Variants in ALK observed in about 807,000 individuals in gnomAD.
The protein encoded by ALK is ALK receptor tyrosine kinase, also known as ALK tyrosine kinase receptor.
Under a neutral mutation model 163.1 loss-of-function variants are expected in ALK, and 74 were observed. The observed-to-expected ratio is 0.45, with a 90% confidence interval of 0.38 to 0.55. The LOEUF (loss-of-function observed/expected upper bound fraction) is 0.55. Ranked by LOEUF, ALK falls within the 20% of genes least tolerant of loss-of-function variation. The pLI, the probability that ALK is intolerant of heterozygous loss-of-function variation, is 0.00. For synonymous variants in ALK, 960 were observed against 843.2 expected, an observed-to-expected ratio of 1.14 and a Z score of -2.40; for missense variants, 2,063 against 2,105.3, an observed-to-expected ratio of 0.98 and a Z score of 0.39.
chr2:29,356,895 T>A (rs1447811617), intron 5 of ALK, among the ~76,000 whole-genome samples: 1 of 151,578 alleles, frequency 6.6e-6, no homozygotes, highest in East Asian at 1.9e-4. Flanking sequence ...GGGCATGAGC[T>A]AAACCCTCAG....
intron 5 of ALK, among the ~76,000 whole-genome samples, chr2:29,357,899 C>T (rs1573277003): frequency 1.3e-5 from 2 of 152,366 alleles, no homozygotes; most frequent in South Asian, 2.1e-4. Context: ...TAATATCTCA[C>T]TGGCTTGGCC....
intron 3 of ALK, among the ~76,000 whole-genome samples, chr2:29,661,213 C>G (rs1021933030): frequency 3.3e-5 from 5 of 152,154 alleles, no homozygotes; most frequent in African/African-American, 1.2e-4. Context: ...AGAAATTAAG[C>G]ATCTCAATGG....
At chr2:29,213,601 G>T (rs1183140102) in intron 24 of ALK, among the ~76,000 whole-genome samples, 1 of 152,176 alleles carries the variant, frequency 6.6e-6, no homozygotes, top group African/African-American at 2.4e-5. Context: ...TAACTTATAG[G>T]TCTCCAGCCC....
intron 4 of ALK, among the ~76,000 whole-genome samples, chr2:29,455,031 T>C (rs982556901): frequency 2.6e-5 from 4 of 152,286 alleles, no homozygotes; most frequent in Admixed American, 2.6e-4. Flanking sequence ...AATCTAGCTC[T>C]CTCTCATTCC....
At chr2:29,371,346 C>A (rs545743082) in intron 5 of ALK, among the ~76,000 whole-genome samples, 53 of 152,374 alleles carry the variant, frequency 3.5e-4, no homozygotes, top group African/African-American at 1.2e-3. Flanking sequence ...CTAGGCTATG[C>A]CCCTCGGCTA....
chr2:29,308,747 A>G (rs912586742), intron 8 of ALK, among the ~76,000 whole-genome samples: 3 of 152,192 alleles, frequency 2.0e-5, no homozygotes, highest in Non-Finnish European at 2.9e-5. Flanking sequence ...ATTATATGAG[A>G]CCAGTGCCCA....
chr2:29,771,756 G>A (rs529999054), intron 1 of ALK, among the ~76,000 whole-genome samples: 8 of 152,006 alleles, frequency 5.3e-5, no homozygotes, highest in South Asian at 2.1e-4. Flanking sequence ...GGATGGTCTC[G>A]ATTGCCTGAC....
At chr2:29,701,536 A>G (rs1056792774) in intron 2 of ALK, among the ~76,000 whole-genome samples, 1 of 152,174 alleles carries the variant, frequency 6.6e-6, no homozygotes, top group East Asian at 1.9e-4. Context: ...ATGCCCATCA[A>G]TTCCATAACA....
intron 11 of ALK, among the ~76,000 whole-genome samples, chr2:29,257,145 G>A (rs1165260444): frequency 6.6e-6 from 1 of 152,016 alleles, no homozygotes; most frequent in Non-Finnish European, 1.5e-5. Context: ...TGGTCCCCAG[G>A]GAGGATCTGG....
intron 1 of ALK, among the ~76,000 whole-genome samples, chr2:29,864,156 A>T (rs892878067): frequency 6.6e-6 from 1 of 152,204 alleles, no homozygotes; most frequent in Admixed American, 6.5e-5. Flanking sequence ...CTGGGATTCA[A>T]TCCAGAACTG....
At chr2:29,727,425 A>T (rs2879497) in intron 1 of ALK, among the ~76,000 whole-genome samples, 5,841 of 152,264 alleles carry the variant, frequency 0.038, 399 homozygotes, top group African/African-American at 0.14. Context: ...ATTTCCAGAG[A>T]TAGGCTGATG....
intron 4 of ALK, among the ~76,000 whole-genome samples, chr2:29,526,877 G>A (rs551421313): frequency 6.6e-6 from 1 of 152,212 alleles, no homozygotes; most frequent in Non-Finnish European, 1.5e-5. Flanking sequence ...CAGGTGCCCT[G>A]CCCTGAGACC....
rs1668962410 is a variant in ALK at position 29,383,760 on chromosome 2, G to A, written c.1254C>T (p.Asp418=). 6.2e-7 allele frequency: 1 copy of A among 1,614,060 alleles called. No homozygotes were observed. The highest frequency in any genetic ancestry group is 8.5e-7 in the Non-Finnish European group (1 of 1,180,014). The change falls in exon 5 of 29, where the codon GAC becomes GAT. Residue 418 remains aspartate, a synonymous_variant. Transcript: ENST00000389048. ...SSGNRSLSAV[D]FFALKNCSEG... ...CACTGCAGTTCTTCAGGGCAAAGAA[G>A]TCCACTGCAGACAAGCTGCGGTTTC...
chr2:29,656,721 G>A (rs1412938545), intron 3 of ALK, among the ~76,000 whole-genome samples: 1 of 152,106 alleles, frequency 6.6e-6, no homozygotes, highest in Non-Finnish European at 1.5e-5. Flanking sequence ...GCCAGGTAGT[G>A]CACTCTTTGT....
intron 3 of ALK, among the ~76,000 whole-genome samples, chr2:29,546,595 G>C (rs543628847): frequency 6.6e-6 from 1 of 152,350 alleles, no homozygotes; most frequent in Admixed American, 6.5e-5. Context: ...CCACTAGAGA[G>C]AGAGAGAAGC....
At chr2:29,770,364 C>T (rs545604063) in intron 1 of ALK, among the ~76,000 whole-genome samples, 3 of 152,318 alleles carry the variant, frequency 2.0e-5, no homozygotes, top group East Asian at 3.9e-4. Flanking sequence ...CTAACAAAGT[C>T]GTCCAGTCAC....
At chr2:29,626,850 C>T (rs982781418) in intron 3 of ALK, among the ~76,000 whole-genome samples, 8 of 152,228 alleles carry the variant, frequency 5.3e-5, no homozygotes, top group African/African-American at 1.9e-4. Flanking sequence ...GCTTTCTCCA[C>T]TCTAGCTAGA....
chr2:29,262,186 T>C (rs979587350), intron 11 of ALK, among the ~76,000 whole-genome samples: 2 of 152,200 alleles, frequency 1.3e-5, no homozygotes, highest in South Asian at 4.1e-4. Context: ...AGTTAAGCAA[T>C]TGGCCAGTGA....
chr2:29,270,928 G>C (rs1490881432), intron 11 of ALK, among the ~76,000 whole-genome samples: 1 of 152,202 alleles, frequency 6.6e-6, no homozygotes, highest in African/African-American at 2.4e-5. Context: ...TGGCTAAAGA[G>C]AGGAACTTGG....
Sources: gnomAD v4.1 joint callset for allele counts (sites outside exome capture counted in the v4.1 genomes callset) on GRCh38, gnomAD v4.1.1 for gene constraint, MANE v1.5 for transcripts, NCBI Gene and HGNC (gene_info 2026-07-23, HGNC 2026-07-21) for gene names.